The following ADARB2 variants were observed in gnomAD, a reference collection of about 807,000 sequenced individuals.
The protein encoded by ADARB2 is inactive double-stranded RNA-specific editase B2.
In ADARB2, 25 loss-of-function variants were observed where a neutral mutation model predicts 62.2. The ratio of observed to expected loss-of-function variants is 0.40; its 90% CI spans 0.29 to 0.56. The LOEUF is 0.56. Among genes scored for constraint, ADARB2 ranks in the 20% least tolerant of loss-of-function variants. The pLI, the probability that ADARB2 is intolerant of heterozygous loss-of-function variation, is 0.43. For synonymous variants in ADARB2, 572 were observed against 500.8 expected (o/e 1.14, Z -1.90); for missense variants, 1,071 against 1,077.4 (o/e 0.99, Z 0.08).
intron 1 of ADARB2, among the ~76,000 whole-genome samples, chr10:1,445,077 T>TC (rs1830951651): frequency 8.6e-6 from 1 of 116,724 alleles, no homozygotes; most frequent in Admixed American, 8.0e-5. Context: ...TTCCCTCCAT[T>TC]CATCCATCCA....
At chr10:1,431,521 C>G (rs1032838153) in intron 1 of ADARB2, among the ~76,000 whole-genome samples, 18 of 151,860 alleles carry the variant, frequency 1.2e-4, no homozygotes, top group African/African-American at 3.9e-4. Flanking sequence ...GAAGAAAGGT[C>G]TCAAATCAAT....
chr10:1,379,195 A>G (rs778787783), intron 1 of ADARB2, 35 bp from the exon 2 acceptor site: 9 of 1,539,632 alleles, frequency 5.8e-6, no homozygotes, highest in South Asian at 3.4e-5. Flanking sequence ...CACTTTTGAC[A>G]TGGAGTTGCG....
intron 3 of ADARB2, among the ~76,000 whole-genome samples, chr10:1,351,982 A>G (rs189863686): frequency 0.011 from 1,632 of 149,618 alleles, 66 homozygotes; most frequent in African/African-American, 0.039. Flanking sequence ...CTGTATCTCA[A>G]ACATGCTTTC....
chr10:1,283,590 A>G (rs1262950533), intron 3 of ADARB2, among the ~76,000 whole-genome samples: 1 of 144,316 alleles, frequency 6.9e-6, no homozygotes, highest in Non-Finnish European at 1.5e-5. Context: ...TAGACAGCCT[A>G]TATGGCCTGT....
Position 1,255,640 on chromosome 10 carries a change from T to A in ADARB2, c.1193-13341A>T, listed in dbSNP as rs982910298. ...GGGAATGGAACTTCTCCAAACCTGATGGGCTGTCGGTGAGGTTAGAGGTAA... is the reference window on the plus strand; with the variant it reads ...GGGAATGGAACTTCTCCAAACCTGAAGGGCTGTCGGTGAGGTTAGAGGTAA... On this transcript the variant is annotated intron_variant, in intron 4 of 9. Coordinates refer to ENST00000381312, the MANE Select transcript of ADARB2 (RefSeq NM_018702.4). The surrounding 1 kb of genome is among the most constrained non-coding windows in gnomAD (Gnocchi z 4.7). 2.0e-5 allele frequency among the ~76,000 whole-genome samples: 3 copies of A among 152,200 alleles called. No homozygotes were observed. The highest frequency in any genetic ancestry group is 4.4e-5 in the Non-Finnish European group (3 of 68,032).
intron 1 of ADARB2, among the ~76,000 whole-genome samples, chr10:1,380,124 G>A (rs1490384860): frequency 6.6e-6 from 1 of 152,224 alleles, no homozygotes; most frequent in Non-Finnish European, 1.5e-5. Flanking sequence ...GACGCCAACA[G>A]AGACACAGCA....
chr10:1,326,858 T>TCTGGTA lies in ADARB2; in HGVS notation c.1077+36169_1077+36170insTACCAG, dbSNP rs1564257905. ...TCCCCACGGCCCAGCGCCTCCCCAC[T>TCTGGTA]GCCCAGCGCCTCCCCACGGCACAGC... On this transcript the variant is annotated intron_variant, in intron 3 of 9. Coordinates refer to ENST00000381312, the MANE Select transcript of ADARB2 (RefSeq NM_018702.4). 3.2e-3 allele frequency among the ~76,000 whole-genome samples: 38 copies of TCTGGTA among 11,724 alleles called. 10 individuals carry two copies. Among genetic ancestry groups the TCTGGTA allele is most frequent in the South Asian group, 0.015 (4 of 262 alleles). 7.7% of individuals were successfully genotyped at this position (11,724 alleles called of 152,430 possible). A position where few individuals can be genotyped will look rare whatever the true frequency, so the allele number is the denominator to read the frequency against.
intron 1 of ADARB2, among the ~76,000 whole-genome samples, chr10:1,430,214 G>A (rs976835307): frequency 6.6e-6 from 1 of 152,142 alleles, no homozygotes; most frequent in East Asian, 1.9e-4. Flanking sequence ...GAGATACAAA[G>A]AGCAACTGAT....
At chr10:1,334,825 A>T (rs559346245) in intron 3 of ADARB2, among the ~76,000 whole-genome samples, 28 of 152,290 alleles carry the variant, frequency 1.8e-4, no homozygotes, top group Admixed American at 3.3e-4. Flanking sequence ...CACTTCTGGG[A>T]CTGGAGCTGG....
intron 1 of ADARB2, among the ~76,000 whole-genome samples, chr10:1,475,516 G>C (rs1831388425): frequency 6.6e-6 from 1 of 152,208 alleles, no homozygotes. Flanking sequence ...GTGCGGACAG[G>C]GAAATCCTTG....
intron 1 of ADARB2, among the ~76,000 whole-genome samples, chr10:1,725,069 C>T (rs919494766): frequency 6.6e-6 from 1 of 152,202 alleles, no homozygotes; most frequent in African/African-American, 2.4e-5. Flanking sequence ...ACGCACTGCA[C>T]TGATTCACAC....
chr10:1,407,719 C>G (rs1351950240), intron 1 of ADARB2, among the ~76,000 whole-genome samples: 1 of 152,232 alleles, frequency 6.6e-6, no homozygotes, highest in East Asian at 1.9e-4. Context: ...TCTGAGAGAG[C>G]TCAACCTGCT....
chr10:1,508,427 A>G (rs980373438), intron 1 of ADARB2, among the ~76,000 whole-genome samples: 16 of 151,802 alleles, frequency 1.1e-4, no homozygotes, highest in African/African-American at 3.6e-4. Context: ...TCGTTGGGAG[A>G]CTCCCAGGAG....
intron 1 of ADARB2, among the ~76,000 whole-genome samples, chr10:1,500,770 T>C (rs1831758464): frequency 1.3e-5 from 2 of 152,236 alleles, no homozygotes; most frequent in Admixed American, 6.5e-5. Context: ...CTTTGCAAGA[T>C]TCACAACAAT....
chr10:1,242,967 G>A (rs777617667), intron 4 of ADARB2, among the ~76,000 whole-genome samples: 14 of 152,206 alleles, frequency 9.2e-5, no homozygotes, highest in Non-Finnish European at 1.9e-4. Flanking sequence ...TTTGTTTAAG[G>A]AGGAGAAGCT....
intron 4 of ADARB2, among the ~76,000 whole-genome samples, chr10:1,254,745 C>A (rs1271937867): frequency 6.6e-6 from 1 of 152,178 alleles, no homozygotes; most frequent in Non-Finnish European, 1.5e-5. Context: ...TTTGGTTTGG[C>A]AATTTGAAAG....
intron 3 of ADARB2, among the ~76,000 whole-genome samples, chr10:1,298,355 T>G (rs1831542016): frequency 6.6e-6 from 1 of 152,190 alleles, no homozygotes; most frequent in Admixed American, 6.5e-5. Context: ...GTGGCTGGAC[T>G]TAAGGGTTTC....
chr10:1,222,502 C>A (rs1830704119), intron 6 of ADARB2, among the ~76,000 whole-genome samples: 2 of 150,192 alleles, frequency 1.3e-5, no homozygotes, highest in South Asian at 2.1e-4. Context: ...TGCCAATGTC[C>A]TGAATGGTAT....
Position 1,571,251 on chromosome 10 carries a change from T to A in ADARB2, c.100+165800A>T, listed in dbSNP as rs943329486. 1.3e-5 allele frequency among the ~76,000 whole-genome samples: 2 copies of A among 152,082 alleles called. 1 individual carries two copies. On this transcript the variant is annotated intron_variant, in intron 1 of 9. Coordinates refer to ENST00000381312, the MANE Select transcript of ADARB2 (RefSeq NM_018702.4). ...AGAGCAAAACTGGGATCATACTGTATACTTTTAGAAGTGTAACTTTTGATC... is the reference window on the plus strand; with the variant it reads ...AGAGCAAAACTGGGATCATACTGTAAACTTTTAGAAGTGTAACTTTTGATC...
Sources: gnomAD v4.1 joint callset for allele counts (sites outside exome capture counted in the v4.1 genomes callset) on GRCh38, gnomAD v4.1.1 for gene constraint, Gnocchi (gnomAD v3.1) non-coding constraint, MANE v1.5 for transcripts, NCBI Gene and HGNC (gene_info 2026-07-23, HGNC 2026-07-21) for gene names.